The following SUCLG2 variants were observed in gnomAD, a reference collection of about 807,000 sequenced individuals.
The protein encoded by SUCLG2 is succinate--CoA ligase [GDP-forming] subunit beta, mitochondrial.
A neutral mutation model predicts 47.9 loss-of-function variants in SUCLG2; 42 were observed. The observed-to-expected ratio is 0.88, with a 90% confidence interval of 0.69 to 1.14. The LOEUF is 1.14. Ranked by LOEUF, SUCLG2 falls within the 50% of genes most tolerant of loss-of-function variation. The pLI is 0.00. For missense variants in SUCLG2, 571 were observed against 525.9 expected (o/e 1.09, Z -0.84); for synonymous variants, 195 against 197.3 (o/e 0.99, Z 0.10).
At chr3:67,453,020 C>T (rs1208659472) in intron 9 of SUCLG2, among the ~76,000 whole-genome samples, 1 of 151,552 alleles carries the variant, frequency 6.6e-6, no homozygotes, top group Non-Finnish European at 1.5e-5. Flanking sequence ...TCTTTCTGAA[C>T]TCCTTTAAGT....
At chr3:67,424,674 G>A (rs546900543) in intron 9 of SUCLG2, among the ~76,000 whole-genome samples, 19 of 152,168 alleles carry the variant, frequency 1.2e-4, no homozygotes, top group African/African-American at 4.1e-4. Flanking sequence ...ATCCTGGCAA[G>A]TCATAAGAGC....
intron 2 of SUCLG2, among the ~76,000 whole-genome samples, chr3:67,563,002 T>C (rs1707349180): frequency 6.6e-6 from 1 of 151,424 alleles, no homozygotes; most frequent in South Asian, 2.1e-4. Context: ...ATTAATAAAG[T>C]AATTATATGT....
At chr3:67,396,303 G>A (rs1324957798) in intron 10 of SUCLG2, among the ~76,000 whole-genome samples, 2 of 151,616 alleles carry the variant, frequency 1.3e-5, no homozygotes, top group African/African-American at 4.9e-5. Flanking sequence ...AAAGAGAGAG[G>A]AATCAAATAG....
intron 9 of SUCLG2, among the ~76,000 whole-genome samples, chr3:67,473,140 A>C (rs2106991211): frequency 6.6e-6 from 1 of 152,176 alleles, no homozygotes; most frequent in East Asian, 1.9e-4. Flanking sequence ...AAATTTTAAT[A>C]GTTGTTATTT....
intron 9 of SUCLG2, among the ~76,000 whole-genome samples, chr3:67,419,685 C>T (rs1703110799): frequency 6.6e-6 from 1 of 152,028 alleles, no homozygotes; most frequent in African/African-American, 2.4e-5. Flanking sequence ...TTTCCTCCTC[C>T]TTGTCAAAAA....
At chr3:67,441,365 TAAA>T (rs35082631) in intron 9 of SUCLG2, among the ~76,000 whole-genome samples, 1 of 140,482 alleles carries the variant, frequency 7.1e-6, no homozygotes, top group African/African-American at 2.6e-5. Flanking sequence ...TCTCAGAACT[TAAA>T]AAAAAAAAAA....
chr3:67,587,774 C>T (rs1708062596), intron 2 of SUCLG2, among the ~76,000 whole-genome samples: 2 of 152,150 alleles, frequency 1.3e-5, no homozygotes, highest in South Asian at 4.1e-4. Flanking sequence ...ATAATCCAGT[C>T]CCTATGGCAT....
chr3:67,646,199 C>G (rs1424896169), intron 1 of SUCLG2, among the ~76,000 whole-genome samples: 1 of 152,120 alleles, frequency 6.6e-6, no homozygotes, highest in Admixed American at 6.5e-5. Context: ...CTGCTTCAGG[C>G]AGGGAGGAAA....
At chr3:67,582,588 G>A (rs1707909543) in intron 2 of SUCLG2, among the ~76,000 whole-genome samples, 1 of 152,170 alleles carries the variant, frequency 6.6e-6, no homozygotes, top group Non-Finnish European at 1.5e-5. Context: ...ATATGTGCAT[G>A]TGTCTTCATG....
chr3:67,582,612 C>A (rs1290842541), intron 2 of SUCLG2, among the ~76,000 whole-genome samples: 2 of 152,122 alleles, frequency 1.3e-5, no homozygotes, highest in Non-Finnish European at 2.9e-5. Flanking sequence ...GAATGATTTA[C>A]ATTCCTTTGG....
chr3:67,607,131 G>A (rs1234298096), intron 2 of SUCLG2, among the ~76,000 whole-genome samples: 1 of 152,102 alleles, frequency 6.6e-6, no homozygotes, highest in Non-Finnish European at 1.5e-5. Flanking sequence ...ATTTTTAGTG[G>A]GAAATAACTG....
intron 9 of SUCLG2, among the ~76,000 whole-genome samples, chr3:67,446,417 ATTTTTTTTTTTTT>A (rs750956324): frequency 8.7e-4 from 28 of 32,198 alleles, no homozygotes; most frequent in African/African-American, 2.2e-3. Flanking sequence ...ACATATGTAC[ATTTTTTTTTTTTT>A]TTTTTTTTTT....
At chr3:67,645,926 T>C (rs777253280) in intron 1 of SUCLG2, among the ~76,000 whole-genome samples, 1 of 151,142 alleles carries the variant, frequency 6.6e-6, no homozygotes, top group Non-Finnish European at 1.5e-5. Context: ...AAGCAAAGGA[T>C]AAAAAATAGT....
In SUCLG2 at chr3:67,584,723, G is replaced by T. The variant is rs148037368; in HGVS notation, c.226+24732C>A. Among the ~76,000 whole-genome samples, 408 of 152,226 alleles carry T rather than the reference G, an allele frequency of 2.7e-3. 3 individuals are homozygous for T. Among genetic ancestry groups the T allele is most frequent in the African/African-American group, 9.3e-3 (387 of 41,546 alleles). On this transcript the variant is annotated intron_variant, in intron 2 of 10. Transcript: ENST00000307227. ...AATTAACTCACAGTTCCACATGGCT[G>T]GGGAGGCCTCAGGAAACTTACAATC...
chr3:67,399,318 C>T (rs74915261), intron 10 of SUCLG2, among the ~76,000 whole-genome samples: 1,571 of 152,236 alleles, frequency 0.01, 31 homozygotes, highest in African/African-American at 0.036. Context: ...GAAAAGTGTT[C>T]GTGCAACTGT....
intron 9 of SUCLG2, among the ~76,000 whole-genome samples, chr3:67,477,034 T>C (rs1704780560): frequency 6.6e-6 from 1 of 152,138 alleles, no homozygotes; most frequent in South Asian, 2.1e-4. Flanking sequence ...ACAACTGTCA[T>C]GATTCTTGAA....
chr3:67,412,372 A>G (rs566108720), intron 9 of SUCLG2, among the ~76,000 whole-genome samples: 1 of 152,276 alleles, frequency 6.6e-6, no homozygotes, highest in African/African-American at 2.4e-5. Context: ...ATTCCAGAAT[A>G]TCATATTCTC....
In SUCLG2 at chr3:67,400,787, A is replaced by G. The variant is rs1213880804; in HGVS notation, c.1127T>C (p.Ile376Thr). Residue 376 changes from isoleucine (I) to threonine (T), a missense_variant, in exon 10 of 11, where the codon ATC becomes ACC. Physicochemically the swap from Ile to Thr is moderately conservative, Grantham distance 89. Coordinates refer to ENST00000307227, the MANE Select transcript of SUCLG2 (RefSeq NM_003848.4). ...IVNCAIIANG[I>T]TKACRELELK... Reference sequence around the variant, plus strand: ...TTCTAGCTCCCGGCAGGCTTTGGTGATCCCATTGGCAATGATGGCACAGTT... The same window carrying G: ...TTCTAGCTCCCGGCAGGCTTTGGTGGTCCCATTGGCAATGATGGCACAGTT... The G allele has an allele frequency of 6.2e-7, 1 of 1,612,342 alleles. No individual in the cohort carries two copies. Among genetic ancestry groups the G allele is most frequent in the Non-Finnish European group, 8.5e-7 (1 of 1,179,928 alleles).
At chr3:67,539,156 T>TC (rs1249185837) in intron 2 of SUCLG2, among the ~76,000 whole-genome samples, 3 of 152,318 alleles carry the variant, frequency 2.0e-5, no homozygotes, top group African/African-American at 7.2e-5. Flanking sequence ...AGGAAATGCT[T>TC]CCTGCTTTTG....
Sources: gnomAD v4.1 joint callset for allele counts (sites outside exome capture counted in the v4.1 genomes callset) on GRCh38, gnomAD v4.1.1 for gene constraint, MANE v1.5 for transcripts, NCBI Gene and HGNC (gene_info 2026-07-23, HGNC 2026-07-21) for gene names.